DSCAM: variants seen among roughly 807,000 people sequenced by gnomAD.
The protein encoded by DSCAM is DS cell adhesion molecule, also known as cell adhesion molecule DSCAM.
In DSCAM, 47 loss-of-function variants were observed where a neutral mutation model predicts 217.7. The observed-to-expected ratio is 0.22, with a 90% CI of 0.17 to 0.28. The LOEUF is 0.28. DSCAM is among the 10% of genes least tolerant of loss of function. The pLI is 1.00. For missense variants in DSCAM, 2,080 were observed against 2,618.3 expected (o/e 0.79, Z 4.49); for synonymous variants, 1,056 against 1,015.3 (o/e 1.04, Z -0.76).
At chr21:40,591,548 C>T (rs753715805) in intron 3 of DSCAM, among the ~76,000 whole-genome samples, 2 of 152,076 alleles carry the variant, frequency 1.3e-5, no homozygotes, top group Non-Finnish European at 2.9e-5. Flanking sequence ...AAGGAGTGTA[C>T]TTGTGAGGGT....
chr21:40,095,594 G>T (rs944572259), intron 20 of DSCAM, among the ~76,000 whole-genome samples: 1 of 152,126 alleles, frequency 6.6e-6, no homozygotes, highest in African/African-American at 2.4e-5. Flanking sequence ...TCTTTTCAGG[G>T]TGATGAAAAT....
intron 27 of DSCAM, among the ~76,000 whole-genome samples, chr21:40,063,959 T>C (rs2089166851): frequency 6.6e-6 from 1 of 152,016 alleles, no homozygotes; most frequent in African/African-American, 2.4e-5. Context: ...GGGTTCAGCC[T>C]GGGCAATGAA....
chr21:40,297,377 T>C (rs909675875), intron 9 of DSCAM, among the ~76,000 whole-genome samples: 1 of 152,192 alleles, frequency 6.6e-6, no homozygotes, highest in African/African-American at 2.4e-5. Flanking sequence ...GATCAGCGAT[T>C]CATTACAGGG....
chr21:40,084,043 T>C (rs559907080), intron 23 of DSCAM, 37 bp from the exon 24 acceptor site: 1 of 1,537,132 alleles, frequency 6.5e-7, no homozygotes, highest in South Asian at 1.2e-5. Flanking sequence ...CAAGAATTAG[T>C]TTTTCACATC....
At chr21:40,384,971 A>G (rs7275929) in intron 3 of DSCAM, 1 of 152,082 alleles carries the variant, frequency 6.6e-6, no homozygotes, top group African/African-American at 2.4e-5. Flanking sequence ...AAATAAATAA[A>G]ACTTTACAGA....
intron 5 of DSCAM, among the ~76,000 whole-genome samples, chr21:40,348,397 T>C (rs1045096289): frequency 6.6e-6 from 1 of 151,462 alleles, no homozygotes; most frequent in Admixed American, 6.6e-5. Flanking sequence ...ATTATTGCAA[T>C]CATACCCTAG....
chr21:40,301,396 A>G (rs68151839), intron 9 of DSCAM, among the ~76,000 whole-genome samples: 26,132 of 152,140 alleles, frequency 0.17, 4,040 homozygotes, highest in African/African-American at 0.4. Context: ...CTTTGCCCCA[A>G]CTATTCTAAA....
chr21:40,801,082 G>C (rs1444468294), intron 1 of DSCAM, among the ~76,000 whole-genome samples: 2 of 151,766 alleles, frequency 1.3e-5, no homozygotes, highest in African/African-American at 4.8e-5. Context: ...CTCCCAAGTA[G>C]CTGGGATTAC....
At chr21:40,033,840 C>T (rs899853552) in intron 32 of DSCAM, among the ~76,000 whole-genome samples, 4 of 148,408 alleles carry the variant, frequency 2.7e-5, no homozygotes, top group African/African-American at 1.0e-4. Flanking sequence ...CTGAGAAGGG[C>T]AGACTGCCTC....
Position 40,613,812 on chromosome 21 carries a change from A to T in DSCAM, c.508+78998T>A, listed in dbSNP as rs1457480829. Among the ~76,000 whole-genome samples the T allele has an allele frequency of 2.0e-5, 3 of 152,184 alleles. No individual in the cohort carries two copies. The East Asian group carries it at 5.8e-4, about 29-fold the overall frequency. ...ATAATTTAGCAGAGAAGGAAAAAAA[A>T]AAAAGGCAATCCAATTAAAATGAAG... On this transcript the variant is annotated intron_variant, in intron 3 of 32. Coordinates refer to ENST00000400454, the MANE Select transcript of DSCAM (RefSeq NM_001389.5).
At position 40,110,980 on chromosome 21, in the gene DSCAM, G is replaced by A. The variant is rs2089891821; in HGVS notation, c.3696+13215C>T. On this transcript the variant is annotated intron_variant, in intron 20 of 32. Coordinates refer to ENST00000400454, the MANE Select transcript of DSCAM (RefSeq NM_001389.5). ...TGACAGAGAGAATGGAACCAAGTTG[G>A]AAAACACTCTGCAGGATATTATCCA... Among the ~76,000 whole-genome samples, 3 of 152,218 alleles carry A rather than the reference G, an allele frequency of 2.0e-5. 1 individual carries two copies. The highest frequency in any genetic ancestry group is 4.1e-4 in the South Asian group (2 of 4,824).
chr21:40,574,877 T>C (rs112209978), intron 3 of DSCAM, among the ~76,000 whole-genome samples: 106 of 152,166 alleles, frequency 7.0e-4, no homozygotes, highest in Non-Finnish European at 1.1e-3. Context: ...CTGGCTAAGG[T>C]ACCTGATTTT....
intron 23 of DSCAM, among the ~76,000 whole-genome samples, chr21:40,084,673 A>C (rs763917338): frequency 1.6e-4 from 25 of 152,126 alleles, no homozygotes; most frequent in Non-Finnish European, 3.1e-4. Flanking sequence ...AACACTAAAG[A>C]AATTCAGAAT....
chr21:40,121,087 T>C (rs890879183), intron 20 of DSCAM, among the ~76,000 whole-genome samples: 1 of 152,070 alleles, frequency 6.6e-6, no homozygotes. Context: ...GAAAAAAAAA[T>C]TCAGATTTAT....
At chr21:40,111,924 T>G (rs1320571359) in intron 20 of DSCAM, among the ~76,000 whole-genome samples, 1 of 151,940 alleles carries the variant, frequency 6.6e-6, no homozygotes, top group Non-Finnish European at 1.5e-5. Flanking sequence ...AGCAAGTCCT[T>G]AGAGACCTAC....
intron 11 of DSCAM, among the ~76,000 whole-genome samples, chr21:40,270,073 G>A (rs1372692305): frequency 6.6e-6 from 1 of 152,156 alleles, no homozygotes; most frequent in Admixed American, 6.5e-5. Flanking sequence ...TTTAGCTGGT[G>A]GAACTTCAGG....
intron 28 of DSCAM, 152 bp from the exon 29 acceptor site, chr21:40,055,992 C>T (rs897458213): frequency 2.0e-6 from 1 of 502,524 alleles, no homozygotes; most frequent in African/African-American, 1.9e-5. Flanking sequence ...GAAAACGTTT[C>T]CTTCATTCAA....
chr21:40,320,100 C>A (rs1307262641), intron 8 of DSCAM, among the ~76,000 whole-genome samples: 1 of 152,044 alleles, frequency 6.6e-6, no homozygotes, highest in Non-Finnish European at 1.5e-5. Flanking sequence ...GGGCTTAATA[C>A]CTAGGTGATG....
intron 32 of DSCAM, among the ~76,000 whole-genome samples, chr21:40,030,957 G>A (rs1031394488): frequency 6.6e-6 from 1 of 152,106 alleles, no homozygotes; most frequent in East Asian, 1.9e-4. Flanking sequence ...CTGCCACTGT[G>A]TTCAAGAGGC....
Sources: gnomAD v4.1 joint callset for allele counts (sites outside exome capture counted in the v4.1 genomes callset) on GRCh38, gnomAD v4.1.1 for gene constraint, MANE v1.5 for transcripts, NCBI Gene and HGNC (gene_info 2026-07-23, HGNC 2026-07-21) for gene names.